The following WDFY1 variants were observed in gnomAD, a reference collection of about 807,000 sequenced individuals.
WDFY1 encodes the protein WD repeat and FYVE domain containing 1, also known as WD repeat and FYVE domain-containing protein 1.
In WDFY1, 32 loss-of-function variants were observed where a neutral mutation model predicts 56.4. The observed-to-expected ratio is 0.57, with a 90% CI of 0.43 to 0.76. The LOEUF is 0.76. WDFY1 is among the 30% of genes least tolerant of loss of function. WDFY1 has a pLI of 0.00. For missense variants in WDFY1, 480 were observed against 545.7 expected, an observed-to-expected ratio of 0.88 and a Z score of 1.20; for synonymous variants, 192 against 197.3, an observed-to-expected ratio of 0.97 and a Z score of 0.23.
At chr2:223,924,239 T>G (rs996230768) in intron 1 of WDFY1, among the ~76,000 whole-genome samples, 1 of 152,236 alleles carries the variant, frequency 6.6e-6, no homozygotes, top group Non-Finnish European at 1.5e-5. Context: ...CTATCTCCTC[T>G]GCACTTTTAG....
chr2:223,918,103 C>T, intron 1 of WDFY1, 93 bp from the exon 2 acceptor site: 1 of 1,356,380 alleles, frequency 7.4e-7, no homozygotes, highest in Non-Finnish European at 1.0e-6. Context: ...TTGTTTAACA[C>T]TATTTCCTAA....
chr2:223,943,098 T>C (rs1036804097), intron 1 of WDFY1, among the ~76,000 whole-genome samples: 8 of 151,144 alleles, frequency 5.3e-5, no homozygotes, highest in Non-Finnish European at 1.0e-4. Flanking sequence ...GGAGAATCGC[T>C]TGAACCTGGG....
intron 3 of WDFY1, among the ~76,000 whole-genome samples, chr2:223,908,296 C>G (rs1693635907): frequency 6.6e-6 from 1 of 152,232 alleles, no homozygotes; most frequent in Admixed American, 6.5e-5. Flanking sequence ...CTCAGGCTCT[C>G]TGGCTCCCAC....
intron 1 of WDFY1, among the ~76,000 whole-genome samples, chr2:223,933,982 G>A (rs377616750): frequency 1.1e-3 from 56 of 50,002 alleles, no homozygotes; most frequent in South Asian, 2.1e-3. Flanking sequence ...AAAAAAAAAA[G>A]TCTCGAACCC....
chr2:223,926,964 G>C (rs909119775), intron 1 of WDFY1, among the ~76,000 whole-genome samples: 2 of 152,134 alleles, frequency 1.3e-5, no homozygotes, highest in African/African-American at 4.8e-5. Flanking sequence ...CACCGTTTCC[G>C]GCCAACAAGC....
chr2:223,938,463 C>T (rs1689240306), intron 1 of WDFY1, among the ~76,000 whole-genome samples: 1 of 152,154 alleles, frequency 6.6e-6, no homozygotes, highest in Non-Finnish European at 1.5e-5. Context: ...TTTTCTGTTT[C>T]CCCTACCAGG....
intron 11 of WDFY1, among the ~76,000 whole-genome samples, 191 bp downstream of exon 11, chr2:223,879,933 G>T (rs924489751): frequency 1.3e-5 from 2 of 152,154 alleles, no homozygotes; most frequent in Non-Finnish European, 2.9e-5. Context: ...GCAGAGGGAG[G>T]TGCCACTGGG....
intron 4 of WDFY1, 50 bp from the exon 5 acceptor site, chr2:223,901,383 AT>A: frequency 6.2e-7 from 1 of 1,604,942 alleles, no homozygotes; most frequent in Non-Finnish European, 8.5e-7. Flanking sequence ...ACAGCACTCT[AT>A]GGGGAAGAAC....
chr2:223,924,024 C>A (rs1693935514), intron 1 of WDFY1, among the ~76,000 whole-genome samples: 1 of 152,200 alleles, frequency 6.6e-6, no homozygotes, highest in South Asian at 2.1e-4. Flanking sequence ...CCACATCAAT[C>A]TGGGGAAAAG....
chr2:223,886,414 C>CT (rs1693174736), intron 8 of WDFY1, among the ~76,000 whole-genome samples: 1 of 151,672 alleles, frequency 6.6e-6, no homozygotes, highest in South Asian at 2.1e-4. Context: ...ATACTCAATT[C>CT]TAAGACAAAC....
chr2:223,894,431 A>G, intron 7 of WDFY1, 92 bp from the exon 8 acceptor site: 1 of 1,273,996 alleles, frequency 7.8e-7, no homozygotes, highest in Non-Finnish European at 1.1e-6. Context: ...CCTCATTAAA[A>G]TCAGCAAGTG....
chr2:223,893,621 A>G (rs1346687558), intron 8 of WDFY1, among the ~76,000 whole-genome samples: 3 of 152,150 alleles, frequency 2.0e-5, no homozygotes, highest in Non-Finnish European at 1.5e-5. Context: ...TCATTCCACA[A>G]TTCCACTTTA....
intron 1 of WDFY1, among the ~76,000 whole-genome samples, chr2:223,936,417 A>G (rs563118072): frequency 6.6e-6 from 1 of 152,326 alleles, no homozygotes; most frequent in East Asian, 1.9e-4. Context: ...GGTCATGAGC[A>G]GGAAAAAGAC....
intron 1 of WDFY1, among the ~76,000 whole-genome samples, chr2:223,942,386 A>G (rs2106107381): frequency 6.6e-6 from 1 of 150,452 alleles, no homozygotes; most frequent in East Asian, 2.0e-4. Context: ...CACCTGGCTA[A>G]TTTTTGAATT....
intron 1 of WDFY1, among the ~76,000 whole-genome samples, chr2:223,925,215 T>TAA (rs35020883): frequency 7.2e-6 from 1 of 139,694 alleles, no homozygotes; most frequent in African/African-American, 2.7e-5. Context: ...TTTTTGTTCC[T>TAA]AAAAAAAAAA....
chr2:223,945,314 G>A lies in WDFY1; in HGVS notation c.-30C>T, dbSNP rs200521814. 5.8e-6 allele frequency: 9 copies of A among 1,549,934 alleles called. No homozygotes were observed. Among genetic ancestry groups the A allele is most frequent in the East Asian group, 5.2e-5 (2 of 38,700 alleles). Reference sequence around the variant, plus strand: ...GCGCGGCGACTGCTGCGGCCTCCTCGGCAGGCAGCCCATCAGCTGACGCCT... The same window carrying A: ...GCGCGGCGACTGCTGCGGCCTCCTCAGCAGGCAGCCCATCAGCTGACGCCT... On this transcript the variant is annotated 5_prime_UTR_variant, in exon 1 of 12. Transcript: ENST00000233055.
intron 8 of WDFY1, among the ~76,000 whole-genome samples, chr2:223,888,361 C>T (rs1304744753): frequency 2.0e-5 from 3 of 151,992 alleles, no homozygotes; most frequent in Admixed American, 6.6e-5. Flanking sequence ...AGCCACTGTG[C>T]CCAGCTGTAC....
chr2:223,884,105 T>C (rs1481437939), intron 9 of WDFY1, among the ~76,000 whole-genome samples: 1 of 151,518 alleles, frequency 6.6e-6, no homozygotes, highest in Non-Finnish European at 1.5e-5. Context: ...ACCTTTAAAA[T>C]CTACAGGCTA....
At chr2:223,914,008 T>TTTA (rs1553537098) in intron 2 of WDFY1, among the ~76,000 whole-genome samples, 2 of 141,754 alleles carry the variant, frequency 1.4e-5, no homozygotes, top group African/African-American at 5.3e-5. Flanking sequence ...TTTTTTTTTT[T>TTTA]TTTTTTTTGA....
Sources: gnomAD v4.1 joint callset for allele counts (sites outside exome capture counted in the v4.1 genomes callset) on GRCh38, gnomAD v4.1.1 for gene constraint, MANE v1.5 for transcripts, NCBI Gene and HGNC (gene_info 2026-07-23, HGNC 2026-07-21) for gene names.